Variants in TNR observed in about 807,000 individuals in gnomAD.
TNR encodes tenascin-R.
In TNR, 45 loss-of-function variants were observed where a neutral mutation model predicts 150.4. The observed-to-expected ratio is 0.30, with a 90% CI of 0.24 to 0.38. The LOEUF (loss-of-function observed/expected upper bound fraction) is 0.38. Ranked by LOEUF, TNR falls within the 10% of genes least tolerant of loss-of-function variation. The probability of loss-of-function intolerance (pLI) is 1.00; values close to 1 mark genes in which losing one functional copy is unlikely to be tolerated. For synonymous variants in TNR, 687 were observed against 678.4 expected, an observed-to-expected ratio of 1.01 and a Z score of -0.20; for missense variants, 1,544 against 1,759.1, an observed-to-expected ratio of 0.88 and a Z score of 2.19.
At chr1:175,492,301 G>A (rs1447032193) in intron 2 of TNR, among the ~76,000 whole-genome samples, 1 of 152,344 alleles carries the variant, frequency 6.6e-6, no homozygotes, top group East Asian at 1.9e-4. Context: ...CCTTGTTTAG[G>A]TAGTTCTGCA....
chr1:175,449,147 A>G (rs921697937), intron 2 of TNR, among the ~76,000 whole-genome samples: 1 of 152,228 alleles, frequency 6.6e-6, no homozygotes, highest in Non-Finnish European at 1.5e-5. Flanking sequence ...TGTAGGGAGC[A>G]CTGTGTGGGA....
chr1:175,675,667 C>A (rs1665840997), intron 1 of TNR, among the ~76,000 whole-genome samples: 1 of 152,218 alleles, frequency 6.6e-6, no homozygotes, highest in South Asian at 2.1e-4. Context: ...AGGACCCCTT[C>A]TGTCTACGAG....
intron 2 of TNR, among the ~76,000 whole-genome samples, chr1:175,457,322 A>G (rs1001016410): frequency 6.6e-6 from 1 of 152,192 alleles, no homozygotes; most frequent in African/African-American, 2.4e-5. Flanking sequence ...CTCCATTCCA[A>G]TAGACAGCGC....
At chr1:175,498,506 G>A (rs1658583426) in intron 2 of TNR, among the ~76,000 whole-genome samples, 1 of 152,210 alleles carries the variant, frequency 6.6e-6, no homozygotes, top group Non-Finnish European at 1.5e-5. Flanking sequence ...CCCATACTGG[G>A]CTGGTATGAG....
chr1:175,438,392 G>C (rs1444649638), intron 2 of TNR, among the ~76,000 whole-genome samples: 2 of 152,116 alleles, frequency 1.3e-5, no homozygotes, highest in Non-Finnish European at 2.9e-5. Context: ...AATAATAAGA[G>C]CTATCTACGA....
chr1:175,712,489 G>C (rs1375058626), intron 1 of TNR, among the ~76,000 whole-genome samples: 2 of 152,148 alleles, frequency 1.3e-5, no homozygotes, highest in Admixed American at 1.3e-4. Flanking sequence ...TAGGATCCAG[G>C]AGTTACTAGG....
intron 2 of TNR, among the ~76,000 whole-genome samples, chr1:175,491,751 G>A (rs889787841): frequency 1.4e-5 from 2 of 148,086 alleles, no homozygotes; most frequent in Non-Finnish European, 3.0e-5. Flanking sequence ...CAGGGTTCAC[G>A]CCGTTCTCCT....
At chr1:175,567,359 T>G (rs1277637106) in intron 1 of TNR, among the ~76,000 whole-genome samples, 1 of 152,142 alleles carries the variant, frequency 6.6e-6, no homozygotes, top group Non-Finnish European at 1.5e-5. Context: ...GGCTAGCATG[T>G]GCACAATGAA....
intron 1 of TNR, among the ~76,000 whole-genome samples, chr1:175,547,882 A>G (rs1286553446): frequency 1.3e-5 from 2 of 152,206 alleles, no homozygotes; most frequent in Non-Finnish European, 2.9e-5. Context: ...GTTGAATGCA[A>G]TGCTCAGAAA....
At chr1:175,659,822 G>C (rs1260342906) in intron 1 of TNR, among the ~76,000 whole-genome samples, 3 of 152,078 alleles carry the variant, frequency 2.0e-5, no homozygotes, top group Non-Finnish European at 4.4e-5. Flanking sequence ...AACTCCAGGA[G>C]GTGGCAGGTG....
At chr1:175,605,219 C>T (rs1186130079) in intron 1 of TNR, among the ~76,000 whole-genome samples, 1 of 152,222 alleles carries the variant, frequency 6.6e-6, no homozygotes, top group East Asian at 1.9e-4. Context: ...TGAATTCCAG[C>T]TCTTCCATTT....
chr1:175,565,030 A>G (rs921353796), intron 1 of TNR, among the ~76,000 whole-genome samples: 4 of 152,270 alleles, frequency 2.6e-5, no homozygotes. Flanking sequence ...ATTATGACAT[A>G]GCATCCAAGG....
At chr1:175,443,150 C>T (rs1396062656) in intron 2 of TNR, among the ~76,000 whole-genome samples, 1 of 152,094 alleles carries the variant, frequency 6.6e-6, no homozygotes, top group Non-Finnish European at 1.5e-5. Context: ...CTTTTTCTGC[C>T]AATTGCCAGA....
At chr1:175,714,863 C>G (rs1667113151) in intron 1 of TNR, among the ~76,000 whole-genome samples, 1 of 152,204 alleles carries the variant, frequency 6.6e-6, no homozygotes, top group Non-Finnish European at 1.5e-5. Flanking sequence ...TGCCTGCTCA[C>G]CTTCCCGCTA....
intron 1 of TNR, among the ~76,000 whole-genome samples, chr1:175,695,985 T>TATGGATGGATGGATGG (rs112381209): frequency 0.011 from 1,709 of 148,950 alleles, 23 homozygotes; most frequent in East Asian, 0.069. Flanking sequence ...CAGATGGATA[T>TATGGATGGATGGATGG]ATGGATGGAT....
At chr1:175,350,332 T>C (rs1557878788) in intron 18 of TNR, among the ~76,000 whole-genome samples, 2 of 152,226 alleles carry the variant, frequency 1.3e-5, no homozygotes, top group African/African-American at 4.8e-5. Flanking sequence ...GCTCACTGTC[T>C]CTTAGGACAA....
At chr1:175,472,734 A>C (rs1365187882) in intron 2 of TNR, among the ~76,000 whole-genome samples, 1 of 152,184 alleles carries the variant, frequency 6.6e-6, no homozygotes, top group Non-Finnish European at 1.5e-5. Context: ...TAAGTCAGGA[A>C]GGGATGACAT....
chr1:175,578,427 T>C (rs2102226148), intron 1 of TNR, among the ~76,000 whole-genome samples: 1 of 152,230 alleles, frequency 6.6e-6, no homozygotes, highest in East Asian at 1.9e-4. Flanking sequence ...ACAGGATAGA[T>C]GCTGTGGATG....
chr1:175,611,222 C>T (rs922527644), intron 1 of TNR, among the ~76,000 whole-genome samples: 4 of 152,168 alleles, frequency 2.6e-5, no homozygotes, highest in Non-Finnish European at 4.4e-5. Flanking sequence ...ATCTGGGAAT[C>T]GCTCTTTATT....
Sources: allele counts gnomAD v4.1 joint callset (sites outside exome capture counted in the v4.1 genomes callset), GRCh38; gene constraint gnomAD v4.1.1; transcripts MANE v1.5; gene names NCBI Gene and HGNC (gene_info 2026-07-23, HGNC 2026-07-21).